RANBP2: variants seen among roughly 807,000 people sequenced by gnomAD.
RANBP2 encodes E3 SUMO-protein ligase RanBP2.
Under a neutral mutation model 303.6 loss-of-function variants are expected in RANBP2, and 57 were observed. The ratio of observed to expected loss-of-function variants is 0.19; its 90% CI spans 0.15 to 0.23. The LOEUF is 0.23. Among genes scored for constraint, RANBP2 ranks in the 10% least tolerant of loss-of-function variants. The pLI, the probability that RANBP2 is intolerant of heterozygous loss-of-function variation, is 1.00. For synonymous variants in RANBP2, 1,167 were observed against 1,301.5 expected (o/e 0.90, Z 2.23); for missense variants, 3,138 against 3,780.8 (o/e 0.83, Z 4.46).
At chr2:108,753,285 A>G in intron 13 of RANBP2, 126 bp downstream of exon 13, 1 of 1,604,904 alleles carries the variant, frequency 6.2e-7, no homozygotes, top group Non-Finnish European at 8.5e-7. Flanking sequence ...TTCTAAATTC[A>G]CTAGCTCTCA....
chr2:108,725,519 T>C (rs1466934247), intron 1 of RANBP2, among the ~76,000 whole-genome samples: 2 of 152,208 alleles, frequency 1.3e-5, no homozygotes, highest in Non-Finnish European at 2.9e-5. Flanking sequence ...CCCAGCACTT[T>C]GGGAGGTGGA....
chr2:109,691,510 G>A, the RANBP2 span, among the ~76,000 whole-genome samples: 1 of 152,118 alleles, frequency 6.6e-6, no homozygotes, highest in Non-Finnish European at 1.5e-5. Flanking sequence ...CTTGGCTAGG[G>A]CAGCTTAGCT....
At chr2:109,699,524 A>G in the RANBP2 span, among the ~76,000 whole-genome samples, 1 of 152,240 alleles carries the variant, frequency 6.6e-6, no homozygotes, top group African/African-American at 2.4e-5. Flanking sequence ...CTCACAATAG[A>G]GTAAGCTAGA....
chr2:109,334,406 C>G, the RANBP2 span, among the ~76,000 whole-genome samples: 1 of 149,798 alleles, frequency 6.7e-6, no homozygotes, highest in Non-Finnish European at 1.5e-5. Flanking sequence ...ACCACCTCAT[C>G]ATCAGGGTAC....
At chr2:108,781,463 C>T (rs745450159) in intron 26 of RANBP2, 34 bp downstream of exon 26, 1 of 1,606,020 alleles carries the variant, frequency 6.2e-7, no homozygotes, top group Non-Finnish European at 8.5e-7. Flanking sequence ...TTACTAATAA[C>T]TTATTTTTCA....
the RANBP2 span, among the ~76,000 whole-genome samples, chr2:109,012,313 G>A: frequency 6.6e-6 from 1 of 152,154 alleles, no homozygotes; most frequent in African/African-American, 2.4e-5. Context: ...AAAGGGTGGG[G>A]GGTCTCCACA....
the RANBP2 span, among the ~76,000 whole-genome samples, chr2:109,014,724 C>A: frequency 1.3e-5 from 2 of 152,184 alleles, no homozygotes; most frequent in African/African-American, 2.4e-5. Flanking sequence ...GAGAGGCGTG[C>A]AGGGCGCAGA....
At chr2:109,085,397 G>A in the RANBP2 span, among the ~76,000 whole-genome samples, 1 of 151,590 alleles carries the variant, frequency 6.6e-6, no homozygotes, top group Non-Finnish European at 1.5e-5. Context: ...TCCGCCTCCT[G>A]AGTTCACGCC....
the RANBP2 span, among the ~76,000 whole-genome samples, chr2:109,349,818 C>T: frequency 1.7e-4 from 26 of 152,260 alleles, no homozygotes; most frequent in African/African-American, 5.8e-4. Context: ...ACCATATAAC[C>T]TGCTGCATTC....
chr2:109,341,832 G>T, the RANBP2 span, among the ~76,000 whole-genome samples: 1 of 152,168 alleles, frequency 6.6e-6, no homozygotes, highest in Non-Finnish European at 1.5e-5. Flanking sequence ...CAGAAATGTG[G>T]ACACCTACCC....
At chr2:108,868,214 C>G in the RANBP2 span, among the ~76,000 whole-genome samples, 1 of 151,938 alleles carries the variant, frequency 6.6e-6, no homozygotes, top group Admixed American at 6.6e-5. Flanking sequence ...CGTTTATTTT[C>G]TTAAGTTACT....
chr2:109,280,684 C>G, the RANBP2 span, among the ~76,000 whole-genome samples: 1 of 152,234 alleles, frequency 6.6e-6, no homozygotes, highest in Non-Finnish European at 1.5e-5. Context: ...AACAACCTTT[C>G]TGCTTTGTAG....
chr2:109,631,770 AAGAAAG>A, the RANBP2 span, among the ~76,000 whole-genome samples: 12 of 138,266 alleles, frequency 8.7e-5, no homozygotes, highest in African/African-American at 4.2e-4. Flanking sequence ...AAAAAAGAAA[AAGAAAG>A]AAATCTCATT....
At chr2:108,843,060 C>G in the RANBP2 span, among the ~76,000 whole-genome samples, 1 of 152,106 alleles carries the variant, frequency 6.6e-6, no homozygotes, top group Non-Finnish European at 1.5e-5. Context: ...TTTTTGTTTA[C>G]TATGTTCTTC....
At chr2:109,391,493 T>G in the RANBP2 span, among the ~76,000 whole-genome samples, 2 of 152,224 alleles carry the variant, frequency 1.3e-5, no homozygotes, top group African/African-American at 4.8e-5. Flanking sequence ...AGCACACTCC[T>G]GCAGTGCTCT....
At chr2:108,829,566 G>A in the RANBP2 span, among the ~76,000 whole-genome samples, 1 of 152,120 alleles carries the variant, frequency 6.6e-6, no homozygotes, top group African/African-American at 2.4e-5. Context: ...GCCAACATGG[G>A]GGAACCCCAT....
At chr2:109,404,891 G>A in the RANBP2 span, among the ~76,000 whole-genome samples, 3 of 152,200 alleles carry the variant, frequency 2.0e-5, no homozygotes, top group East Asian at 5.8e-4. Context: ...TTGACGCTGT[G>A]GACAGCACCC....
chr2:109,562,072 G>GGGT, the RANBP2 span, among the ~76,000 whole-genome samples: 2 of 152,052 alleles, frequency 1.3e-5, no homozygotes, highest in South Asian at 4.2e-4. Flanking sequence ...AATTAGCTGG[G>GGGT]GGTGGTGGTG....
rs1013930458 is a variant in RANBP2 at position 108,767,908 on chromosome 2, A to G, written c.7369A>G (p.Ser2457Gly). Residue 2457 changes from serine (S) to glycine (G), a missense_variant, in exon 20 of 29, where the codon AGC becomes GGC. Coordinates refer to ENST00000283195, the MANE Select transcript of RANBP2 (RefSeq NM_006267.5). The stretch of plus-strand genomic sequence containing the variant: ...GATAACACCTCATGTTTCTCGGTCA[A>G]GCACTCCCAGAGAGTCACCATGTGG... ...SLITPHVSRS[S>G]TPRESPCGKI... 15 of 1,611,430 alleles carry G rather than the reference A, an allele frequency of 9.3e-6. No homozygotes were observed. Among genetic ancestry groups the G allele is most frequent in the African/African-American group, 8.0e-5 (6 of 74,840 alleles).
Sources: gnomAD v4.1 joint callset for allele counts (sites outside exome capture counted in the v4.1 genomes callset) on GRCh38, gnomAD v4.1.1 for gene constraint, MANE v1.5 for transcripts, NCBI Gene and HGNC (gene_info 2026-07-23, HGNC 2026-07-21) for gene names.